INPP5B: variants seen among roughly 807,000 people sequenced by gnomAD.
INPP5B encodes type II inositol 1,4,5-trisphosphate 5-phosphatase.
Under a neutral mutation model 118.5 loss-of-function variants are expected in INPP5B, and 90 were observed. That is an observed-to-expected ratio of 0.76 (90% CI 0.64 to 0.90). The LOEUF (loss-of-function observed/expected upper bound fraction) is 0.90, where lower values mean the gene tolerates loss of function less well. Among genes scored for constraint, INPP5B ranks in the 40% least tolerant of loss-of-function variants. The pLI is 0.00. For missense variants in INPP5B, 984 were observed against 1,125.6 expected (o/e 0.87, Z 1.80); for synonymous variants, 385 against 418.9 (o/e 0.92, Z 0.99).
Position 37,887,440 on chromosome 1 carries a change from C to A in INPP5B, c.925G>T (p.Glu309Ter). The A allele has an allele frequency of 6.2e-7, 1 of 1,612,620 alleles. No homozygotes were observed. Among genetic ancestry groups the A allele is most frequent in the Non-Finnish European group, 8.5e-7 (1 of 1,179,026 alleles). Residue 309 changes from glutamate (E) to a stop codon, truncating the protein, a stop_gained, in exon 11 of 24, where the codon GAA (glutamate) becomes TAA (stop). Transcript: ENST00000373024. LOFTEE classifies it high-confidence loss of function. ...GGGGTATCGTGAAAGAAAAAAGCTTCCTTACTCAGATCAAGCTCCTGGAAC... is the reference window on the plus strand; with the variant it reads ...GGGGTATCGTGAAAGAAAAAAGCTTACTTACTCAGATCAAGCTCCTGGAAC... ...VGFQELDLSK[E>*]AFFFHDTPKE...
At chr1:37,946,469 C>T (rs1013733879) in intron 1 of INPP5B, 135 bp from the exon 2 acceptor site, 1 of 634,102 alleles carries the variant, frequency 1.6e-6, no homozygotes. Flanking sequence ...CCTGATCCTC[C>T]TCCTCCTCCT....
chr1:37,907,992 C>T lies in INPP5B; in HGVS notation c.533-16538G>A, dbSNP rs552389680. ...CTAAGTGATAGGCTATGTTCTCCCC[C>T]GCCCTTAAGAAGGTACTTTGTAATA... On this transcript the variant is annotated intron_variant, in intron 7 of 23. Transcript: ENST00000373024. The surrounding 1 kb of genome is among the most constrained non-coding windows in gnomAD (Gnocchi z 4.3). Among the ~76,000 whole-genome samples, 149 of 152,112 alleles carry T rather than the reference C, an allele frequency of 9.8e-4. No individual in the cohort carries two copies. Among genetic ancestry groups the T allele is most frequent in the African/African-American group, 3.2e-3 (134 of 41,522 alleles).
At chr1:37,897,756 A>T in intron 7 of INPP5B, among the ~76,000 whole-genome samples, 1 of 151,656 alleles carries the variant, frequency 6.6e-6, no homozygotes, top group Non-Finnish European at 1.5e-5. Context: ...TAATAATAAT[A>T]AAATAAAATT....
At chr1:37,937,397 T>C (rs1645736509) in intron 6 of INPP5B, among the ~76,000 whole-genome samples, 1 of 151,860 alleles carries the variant, frequency 6.6e-6, no homozygotes, top group African/African-American at 2.4e-5. Context: ...TTTTGGAAGC[T>C]GAGATGGGCA....
At chr1:37,910,123 A>C (rs1644641624) in intron 7 of INPP5B, among the ~76,000 whole-genome samples, 1 of 152,236 alleles carries the variant, frequency 6.6e-6, no homozygotes, top group African/African-American at 2.4e-5. Flanking sequence ...TAGCGGCTGA[A>C]GACTGACACT....
At chr1:37,899,124 T>C (rs936768377) in intron 7 of INPP5B, among the ~76,000 whole-genome samples, 1 of 141,012 alleles carries the variant, frequency 7.1e-6, no homozygotes, top group Non-Finnish European at 1.5e-5. Flanking sequence ...GAGGTTGCAG[T>C]GAGCCGAGAT....
rs748197936 is a variant in INPP5B, at chr1:37,889,661, G to A, written c.693C>T (p.Asp231=). The A allele has an allele frequency of 1.9e-6, 3 of 1,613,612 alleles. 1 individual carries two copies. In the African/African-American group the frequency reaches 4.0e-5, roughly 22 times the overall value. The change falls in exon 9 of 24, where the codon GAC becomes GAT. Residue 231 remains aspartate (D), a synonymous_variant. Coordinates refer to ENST00000373024, the MANE Select transcript of INPP5B (RefSeq NM_005540.3). ...MVRSSTITVS[D]KAHILSMQKF... ...TCTGCATGGATAAAATATGAGCCTTGTCCGACACTGTGATAGTGGAGGAGC... is the reference window on the plus strand; with the variant it reads ...TCTGCATGGATAAAATATGAGCCTTATCCGACACTGTGATAGTGGAGGAGC...
chr1:37,901,714 G>C (rs983291066), intron 7 of INPP5B, among the ~76,000 whole-genome samples: 1 of 152,154 alleles, frequency 6.6e-6, no homozygotes, highest in Non-Finnish European at 1.5e-5. Flanking sequence ...GGGATTTCCA[G>C]CCACAGGGCG....
intron 6 of INPP5B, among the ~76,000 whole-genome samples, chr1:37,940,405 A>G (rs1405727887): frequency 2.0e-5 from 3 of 152,182 alleles, no homozygotes; most frequent in Non-Finnish European, 4.4e-5. Context: ...CCAACTTGTA[A>G]GAGATTCTGC....
rs1432174105 is a variant in INPP5B at position 37,932,066 on chromosome 1, A to C, written c.392-13T>G. The C allele has an allele frequency of 6.4e-7, 1 of 1,572,672 alleles. No individual in the cohort carries two copies. Among genetic ancestry groups the C allele is most frequent in the Admixed American group, 1.8e-5 (1 of 55,944 alleles). Reference sequence around the variant, plus strand: ...GCAGAATCGAAGCCTGTGCAGGAACAAATGGGGGCAGACTGAGCCACGAGC... The same window carrying C: ...GCAGAATCGAAGCCTGTGCAGGAACCAATGGGGGCAGACTGAGCCACGAGC... On this transcript the variant is annotated splice_polypyrimidine_tract_variant and intron_variant, in intron 6 of 23. Coordinates refer to ENST00000373024, the MANE Select transcript of INPP5B (RefSeq NM_005540.3).
rs1013096067 is a variant in INPP5B at position 37,907,523 on chromosome 1, G to A, written c.533-16069C>T. Among the ~76,000 whole-genome samples, 1 of 152,174 alleles carries A rather than the reference G, an allele frequency of 6.6e-6. No individual in the cohort carries two copies. Among genetic ancestry groups the A allele is most frequent in the African/African-American group, 2.4e-5 (1 of 41,440 alleles). On this transcript the variant is annotated intron_variant, in intron 7 of 23. Coordinates refer to ENST00000373024, the MANE Select transcript of INPP5B (RefSeq NM_005540.3). This position sits in a 1 kb window ranked among gnomAD's most constrained non-coding sequence, Gnocchi z 4.3. ...CACAGTAACTCCATCTTGAATAGGG[G>A]CCAGGTAAAATAAGGCTAAGACCTG... is the stretch of plus-strand genomic sequence containing the variant.
At chr1:37,917,324 A>ATATATATATATATATATATATATC (rs1644907713) in intron 7 of INPP5B, among the ~76,000 whole-genome samples, 1 of 129,494 alleles carries the variant, frequency 7.7e-6, no homozygotes, top group Admixed American at 8.3e-5. Context: ...ATATATATAT[A>ATATATATATATATATATATATATC]TATATATATA....
In INPP5B at chr1:37,860,774, G is replaced by A. The variant is rs764565275; in HGVS notation, c.*1541C>T. 2.0e-5 allele frequency: 3 copies of A among 152,202 alleles called. No individual in the cohort carries two copies. The highest frequency in any genetic ancestry group is 7.2e-5 in the African/African-American group (3 of 41,454). The allele number at this position is 152,202 out of a possible 1,614,324, so 9.4% of individuals were successfully genotyped here. A position where few individuals can be genotyped will look rare whatever the true frequency, so the allele number is the denominator to read the frequency against. ...GCATCATATACAGTTTGGAAGACTTGCTGGCCCAGAAAATCCCACTTGTTT... is the reference window on the plus strand; with the variant it reads ...GCATCATATACAGTTTGGAAGACTTACTGGCCCAGAAAATCCCACTTGTTT... On this transcript the variant is annotated 3_prime_UTR_variant, in exon 24 of 24. Transcript: ENST00000373024.
chr1:37,872,165 C>A (rs12738927), intron 19 of INPP5B, among the ~76,000 whole-genome samples: 8 of 149,870 alleles, frequency 5.3e-5, no homozygotes, highest in Admixed American at 2.0e-4. Flanking sequence ...TTGGGAGTTC[C>A]AGACCTGTCT....
rs749856818 is a variant in INPP5B at position 37,866,595 on chromosome 1, A to G, written c.2302-52T>C. 5.1e-5 allele frequency: 58 copies of G among 1,128,820 alleles called. No individual in the cohort carries two copies. The South Asian group carries it at 6.8e-4, about 13-fold the overall frequency. 69.9% of individuals were successfully genotyped at this position (1,128,820 alleles called of 1,614,324 possible). On this transcript the variant is annotated intron_variant, in intron 20 of 23. Coordinates refer to ENST00000373024, the MANE Select transcript of INPP5B (RefSeq NM_005540.3). ...TAATTATTTTCTCAGAAAATCATCA[A>G]TGATTTCCTGACCTGGCAATATCAA...
chr1:37,873,137 G>A lies in INPP5B; in HGVS notation c.1980C>T (p.Leu660=), dbSNP rs755794005. The A allele has an allele frequency of 6.2e-7, 1 of 1,613,766 alleles. No homozygotes were observed. The highest frequency in any genetic ancestry group is 1.1e-5 in the South Asian group (1 of 91,080). Residue 660 remains leucine, a synonymous_variant, in exon 19 of 24, where the codon CTC becomes CTT. Transcript: ENST00000373024. ...PDSDVEIDLE[L]FVNKMTATKL... is the part of the protein sequence containing the mutation. Reference sequence around the variant, plus strand: ...TTGTAGCTGTCATCTTATTTACGAAGAGCTCCAAGTCAATCTCAACATCAG... The same window carrying A: ...TTGTAGCTGTCATCTTATTTACGAAAAGCTCCAAGTCAATCTCAACATCAG...
intron 7 of INPP5B, among the ~76,000 whole-genome samples, chr1:37,892,605 T>C (rs1178463860): frequency 6.6e-6 from 1 of 152,172 alleles, no homozygotes; most frequent in Non-Finnish European, 1.5e-5. Context: ...TTACTAAACA[T>C]GGATTTCTCA....
chr1:37,929,835 G>A (rs1446495244), intron 7 of INPP5B: 2 of 152,150 alleles, frequency 1.3e-5, no homozygotes, highest in Non-Finnish European at 2.9e-5. Context: ...CTGGGTTCAA[G>A]CAATTCTCCT....
chr1:37,892,396 T>C (rs1359976322), intron 7 of INPP5B, among the ~76,000 whole-genome samples: 1 of 152,182 alleles, frequency 6.6e-6, no homozygotes, highest in African/African-American at 2.4e-5. Flanking sequence ...AGAAATATTT[T>C]GGGAAAGTCG....
Sources: gnomAD v4.1 joint callset for allele counts (sites outside exome capture counted in the v4.1 genomes callset) on GRCh38, gnomAD v4.1.1 for gene constraint, Gnocchi (gnomAD v3.1) non-coding constraint, MANE v1.5 for transcripts, NCBI Gene and HGNC (gene_info 2026-07-23, HGNC 2026-07-21) for gene names.